ERBIN: variants seen among roughly 807,000 people sequenced by gnomAD.
ERBIN encodes erbb2 interacting protein.
A neutral mutation model predicts 158.4 loss-of-function variants in ERBIN; 60 were observed. That is an observed-to-expected ratio of 0.38 (90% CI 0.31 to 0.47). The LOEUF (loss-of-function observed/expected upper bound fraction) is 0.47. ERBIN is among the 20% of genes least tolerant of loss of function. The pLI, the probability that ERBIN is intolerant of heterozygous loss-of-function variation, is 0.99. For missense variants in ERBIN, 1,610 were observed against 1,648.0 expected (o/e 0.98, Z 0.40); for synonymous variants, 594 against 557.2 (o/e 1.07, Z -0.93).
chr5:66,053,909 T>C lies in ERBIN; in HGVS notation c.2591T>C (p.Val864Ala). The change falls in exon 21 of 26, where the codon GTT becomes GCT. Residue 864 changes from valine (V) to alanine (A), a missense_variant. By Grantham distance (64) the Val-to-Ala change is moderately conservative. Transcript: ENST00000284037. Reference sequence around the variant, plus strand: ...CTCTCCCCTCAGAAAAGTGGTCCAGTTGGATCTGTTGTGAAATCTCATAGC... The same window carrying C: ...CTCTCCCCTCAGAAAAGTGGTCCAGCTGGATCTGTTGTGAAATCTCATAGC... The part of the protein sequence containing the change: ...EDLSPQKSGP[V>A]GSVVKSHSIT... The C allele has an allele frequency of 6.2e-7, 1 of 1,614,138 alleles. No individual in the cohort carries two copies. The highest frequency in any genetic ancestry group is 8.5e-7 in the Non-Finnish European group (1 of 1,180,004).
chr5:65,942,908 C>CAA (rs56041538), intron 1 of ERBIN, among the ~76,000 whole-genome samples: 4 of 138,680 alleles, frequency 2.9e-5, no homozygotes, highest in East Asian at 2.2e-4. Flanking sequence ...ACTCCGTCTC[C>CAA]AAAAAAAAAA....
intron 4 of ERBIN, among the ~76,000 whole-genome samples, chr5:66,001,662 A>G (rs1753020882): frequency 6.6e-6 from 1 of 152,194 alleles, no homozygotes; most frequent in African/African-American, 2.4e-5. Context: ...GGGATTTAAT[A>G]TTTGTATTTA....
At chr5:65,931,896 G>A (rs1026193143) in intron 1 of ERBIN, among the ~76,000 whole-genome samples, 3 of 146,654 alleles carry the variant, frequency 2.0e-5, no homozygotes, top group Non-Finnish European at 4.5e-5. Flanking sequence ...TCGGCTCACC[G>A]CAGCCTCTGC....
At chr5:66,015,940 G>A (rs1754666813) in intron 7 of ERBIN, among the ~76,000 whole-genome samples, 1 of 152,126 alleles carries the variant, frequency 6.6e-6, no homozygotes, top group South Asian at 2.1e-4. Flanking sequence ...ATTTATATCT[G>A]TTACAGTATT....
intron 4 of ERBIN, among the ~76,000 whole-genome samples, chr5:65,999,682 A>G (rs1299723919): frequency 6.6e-6 from 1 of 152,140 alleles, no homozygotes; most frequent in Non-Finnish European, 1.5e-5. Context: ...GACAATTTCC[A>G]TTTTTGAAGT....
chr5:66,073,909 C>T (rs771564892), intron 22 of ERBIN, among the ~76,000 whole-genome samples: 9 of 151,974 alleles, frequency 5.9e-5, no homozygotes, highest in Non-Finnish European at 1.3e-4. Context: ...GATGGAGTCT[C>T]GCTCTGTCAC....
intron 7 of ERBIN, among the ~76,000 whole-genome samples, chr5:66,020,815 T>C (rs1755608660): frequency 1.3e-5 from 2 of 152,016 alleles, no homozygotes; most frequent in South Asian, 4.1e-4. Flanking sequence ...AAACTTTATT[T>C]TGAATTGTAT....
At chr5:65,941,682 T>G (rs1380948846) in intron 1 of ERBIN, among the ~76,000 whole-genome samples, 1 of 152,212 alleles carries the variant, frequency 6.6e-6, no homozygotes, top group African/African-American at 2.4e-5. Context: ...TTGTCACTAC[T>G]TATACCCTAA....
chr5:65,940,904 A>G (rs1744917826), intron 1 of ERBIN, among the ~76,000 whole-genome samples: 1 of 152,176 alleles, frequency 6.6e-6, no homozygotes, highest in Non-Finnish European at 1.5e-5. Context: ...GGATTGAGAA[A>G]TTGGATGGTT....
intron 1 of ERBIN, among the ~76,000 whole-genome samples, chr5:65,942,993 C>G (rs911872436): frequency 1.3e-5 from 2 of 152,012 alleles, no homozygotes; most frequent in Admixed American, 6.5e-5. Context: ...AAAAAATTCC[C>G]AAACCCTCCT....
intron 2 of ERBIN, among the ~76,000 whole-genome samples, chr5:65,989,660 C>T (rs1751659874): frequency 6.6e-6 from 1 of 152,164 alleles, no homozygotes; most frequent in African/African-American, 2.4e-5. Context: ...TCTCAAGTGC[C>T]CTACATCTTT....
chr5:65,964,955 T>A, intron 1 of ERBIN, among the ~76,000 whole-genome samples: 3 of 139,096 alleles, frequency 2.2e-5, no homozygotes, highest in African/African-American at 8.7e-5. Flanking sequence ...TAATTTTTTT[T>A]TTTTTTTTTT....
Position 65,982,385 on chromosome 5 carries a change from A to G in ERBIN, c.-57-6250A>G, listed in dbSNP as rs75296080. Among the ~76,000 whole-genome samples, 964 of 152,288 alleles carry G rather than the reference A, an allele frequency of 6.3e-3. 16 individuals carry two copies. The highest frequency in any genetic ancestry group is 0.022 in the African/African-American group (925 of 41,544). On this transcript the variant is annotated intron_variant, in intron 1 of 25. Coordinates refer to ENST00000284037, the MANE Select transcript of ERBIN (RefSeq NM_001253697.2). ...ATTATCCTAGAATGTCTTTATACAAACACCTTATGTAAATGACATTGCTCA... is the reference window on the plus strand; with the variant it reads ...ATTATCCTAGAATGTCTTTATACAAGCACCTTATGTAAATGACATTGCTCA...
intron 1 of ERBIN, among the ~76,000 whole-genome samples, chr5:65,984,462 C>T (rs542262801): frequency 1.7e-4 from 26 of 152,224 alleles, no homozygotes; most frequent in Non-Finnish European, 2.6e-4. Context: ...TCCCAAATCC[C>T]CTTCACTCCA....
chr5:66,065,687 A>C (rs1235404711), intron 21 of ERBIN, among the ~76,000 whole-genome samples: 1 of 144,816 alleles, frequency 6.9e-6, no homozygotes, highest in Non-Finnish European at 1.5e-5. Flanking sequence ...ACCAGCATCC[A>C]TTTATTTGTT....
Position 66,024,988 on chromosome 5 carries a change from A to G in ERBIN, c.818-492A>G, listed in dbSNP as rs143588608. Among the ~76,000 whole-genome samples, 957 of 152,222 alleles carry G rather than the reference A, an allele frequency of 6.3e-3. 12 individuals carry two copies. Among genetic ancestry groups the G allele is most frequent in the African/African-American group, 0.022 (913 of 41,544 alleles). On this transcript the variant is annotated intron_variant, in intron 10 of 25. Transcript: ENST00000284037. ...ACGTAGTGGTTTTAGCTAAAACTAC[A>G]TTTTTGTAAGTTTGTTACGATTCTA...
At chr5:65,935,829 A>G (rs746191433) in intron 1 of ERBIN, among the ~76,000 whole-genome samples, 4 of 152,094 alleles carry the variant, frequency 2.6e-5, no homozygotes, top group Non-Finnish European at 5.9e-5. Flanking sequence ...GCCTCAATCA[A>G]TCCTTTCACC....
intron 14 of ERBIN, among the ~76,000 whole-genome samples, chr5:66,032,976 A>G (rs1466579967): frequency 6.6e-6 from 1 of 152,214 alleles, no homozygotes; most frequent in Non-Finnish European, 1.5e-5. Context: ...CTAGTTAAAC[A>G]TGTTGAGTTA....
chr5:66,074,794 TAAA>T (rs1196241349), intron 22 of ERBIN, among the ~76,000 whole-genome samples: 1 of 152,154 alleles, frequency 6.6e-6, no homozygotes, highest in Non-Finnish European at 1.5e-5. Context: ...TTTGAAAGCT[TAAA>T]AAAGTGAGTG....
Sources: gnomAD v4.1 joint callset for allele counts (sites outside exome capture counted in the v4.1 genomes callset) on GRCh38, gnomAD v4.1.1 for gene constraint, MANE v1.5 for transcripts, NCBI Gene and HGNC (gene_info 2026-07-23, HGNC 2026-07-21) for gene names.